CADM2: variants seen among roughly 807,000 people sequenced by gnomAD.
The protein encoded by CADM2 is cell adhesion molecule 2.
In CADM2, 12 loss-of-function variants were observed where a neutral mutation model predicts 49.8. The ratio of observed to expected loss-of-function variants is 0.24; its 90% confidence interval spans 0.15 to 0.39. The LOEUF is 0.39. CADM2 is among the 10% of genes least tolerant of loss of function. The pLI, the probability that CADM2 is intolerant of heterozygous loss-of-function variation, is 1.00. For missense variants in CADM2, 378 were observed against 492.3 expected, an observed-to-expected ratio of 0.77 and a Z score of 2.20; for synonymous variants, 214 against 175.4, an observed-to-expected ratio of 1.22 and a Z score of -1.74.
intron 1 of CADM2, among the ~76,000 whole-genome samples, chr3:85,596,114 T>C (rs1429184146): frequency 1.3e-5 from 2 of 152,008 alleles, no homozygotes; most frequent in African/African-American, 2.4e-5. Context: ...CTGAAAAATA[T>C]GTATTATGCA....
chr3:85,010,089 T>A (rs2033918891), intron 1 of CADM2, among the ~76,000 whole-genome samples: 1 of 151,952 alleles, frequency 6.6e-6, no homozygotes, highest in South Asian at 2.1e-4. Context: ...AATACCCCAA[T>A]AAAGATTTTG....
At chr3:85,557,476 C>G (rs1219016952) in intron 1 of CADM2, among the ~76,000 whole-genome samples, 4 of 112,578 alleles carry the variant, frequency 3.6e-5, no homozygotes, top group Non-Finnish European at 8.5e-5. Context: ...TATTTCTGAG[C>G]AAGAGTTTTT....
At chr3:85,427,882 G>A (rs2326310) in intron 1 of CADM2, among the ~76,000 whole-genome samples, 85,796 of 151,860 alleles carry the variant, frequency 0.56, 25,264 homozygotes, top group East Asian at 0.83. Flanking sequence ...CGTGAAACAT[G>A]GAAACCTTTG....
intron 4 of CADM2, among the ~76,000 whole-genome samples, chr3:85,884,934 C>T (rs1465166856): frequency 5.3e-5 from 8 of 149,648 alleles, no homozygotes; most frequent in Non-Finnish European, 1.0e-4. Context: ...CGGGGTTTCA[C>T]CATGTTGGCC....
chr3:85,337,387 G>T (rs2045118717), intron 1 of CADM2, among the ~76,000 whole-genome samples: 1 of 151,290 alleles, frequency 6.6e-6, no homozygotes, highest in African/African-American at 2.4e-5. Context: ...ACAGCTTTGT[G>T]AGCCAAGTCA....
At chr3:85,922,891 G>A (rs563994845) in intron 6 of CADM2, among the ~76,000 whole-genome samples, 70 of 150,398 alleles carry the variant, frequency 4.7e-4, no homozygotes, top group African/African-American at 1.6e-3. Context: ...GCACTATCTT[G>A]GCTCACTGCA....
intron 2 of CADM2, among the ~76,000 whole-genome samples, chr3:85,777,470 G>A (rs1211754882): frequency 6.6e-6 from 1 of 151,928 alleles, no homozygotes; most frequent in South Asian, 2.1e-4. Flanking sequence ...TGCCAGGCTG[G>A]TCTCCAACTC....
At chr3:85,021,759 G>C (rs1426279424) in intron 1 of CADM2, among the ~76,000 whole-genome samples, 2 of 152,078 alleles carry the variant, frequency 1.3e-5, no homozygotes, top group Non-Finnish European at 2.9e-5. Flanking sequence ...TGGGTGACAA[G>C]GGCGAAACTC....
intron 6 of CADM2, among the ~76,000 whole-genome samples, chr3:85,927,360 G>C (rs1406649599): frequency 3.3e-5 from 5 of 152,134 alleles, no homozygotes; most frequent in Admixed American, 3.3e-4. Flanking sequence ...CTAGGAATAT[G>C]CCAAACACTG....
rs1342534943 is a variant in CADM2, at chr3:85,193,603, C to G, written c.61+233935C>G. Among the ~76,000 whole-genome samples the G allele has an allele frequency of 2.6e-5, 4 of 151,922 alleles. No homozygotes were observed. In the East Asian group the frequency reaches 7.8e-4, roughly 30 times the overall value. ...CTCACCCTCTATCCATTGCTGCTTT[C>G]CAGACAAAAAAAGTTAGCAATGGAT... On this transcript the variant is annotated intron_variant, in intron 1 of 9. Transcript: ENST00000383699.
rs1243228558 is a variant in CADM2 at position 85,024,713 on chromosome 3, GTTAA to G, written c.61+65052_61+65055del. ...TATATGTAGTCGTCACTGAAAATAC[GTTAA>G]TTAATTTATCCATTAAAAAACTAAA... On this transcript the variant is annotated intron_variant, in intron 1 of 9. Transcript: ENST00000383699. Among the ~76,000 whole-genome samples, 9 of 150,196 alleles carry G rather than the reference GTTAA, an allele frequency of 6.0e-5. No individual in the cohort carries two copies. The East Asian group carries it at 1.8e-3, about 29-fold the overall frequency.
At chr3:85,099,050 G>A (rs2037913481) in intron 1 of CADM2, among the ~76,000 whole-genome samples, 1 of 152,118 alleles carries the variant, frequency 6.6e-6, no homozygotes, top group South Asian at 2.1e-4. Flanking sequence ...ATAAAACTCA[G>A]AAAGAACTTT....
At chr3:85,625,789 A>G (rs1415843048) in intron 1 of CADM2, among the ~76,000 whole-genome samples, 1 of 151,962 alleles carries the variant, frequency 6.6e-6, no homozygotes, top group African/African-American at 2.4e-5. Context: ...ATACATATCA[A>G]AATAAAGTTT....
chr3:85,064,187 G>A (rs547275881), intron 1 of CADM2, among the ~76,000 whole-genome samples: 1 of 152,184 alleles, frequency 6.6e-6, no homozygotes, highest in South Asian at 2.1e-4. Flanking sequence ...ATTGTTTCCA[G>A]TGTGAGATGG....
intron 1 of CADM2, among the ~76,000 whole-genome samples, chr3:85,196,692 A>G (rs570287274): frequency 6.6e-6 from 1 of 152,140 alleles, no homozygotes; most frequent in African/African-American, 2.4e-5. Flanking sequence ...GTGTGAAAAC[A>G]ACACTATTCT....
chr3:85,691,938 A>G (rs540760569), intron 1 of CADM2, among the ~76,000 whole-genome samples: 1 of 152,168 alleles, frequency 6.6e-6, no homozygotes, highest in South Asian at 2.1e-4. Context: ...GAACACATGG[A>G]CACAGGAAGG....
chr3:85,253,147 G>A (rs1455803882), intron 1 of CADM2, among the ~76,000 whole-genome samples: 1 of 151,902 alleles, frequency 6.6e-6, no homozygotes, highest in Non-Finnish European at 1.5e-5. Flanking sequence ...TGAGCCTTAG[G>A]TATTACTGGC....
chr3:85,525,081 A>G (rs1470621125), intron 1 of CADM2, among the ~76,000 whole-genome samples: 1 of 152,104 alleles, frequency 6.6e-6, no homozygotes, highest in Non-Finnish European at 1.5e-5. Context: ...GGTGCGGCAA[A>G]CCACAATGGC....
intron 1 of CADM2, chr3:85,385,828 C>A (rs1289841598): frequency 7.9e-6 from 1 of 126,424 alleles, no homozygotes; most frequent in Non-Finnish European, 1.6e-5. Context: ...AAACTAGATG[C>A]CTTAAGATTG....
Sources: allele counts gnomAD v4.1 joint callset (sites outside exome capture counted in the v4.1 genomes callset), GRCh38; gene constraint gnomAD v4.1.1; transcripts MANE v1.5; gene names NCBI Gene and HGNC (gene_info 2026-07-23, HGNC 2026-07-21).